The following RAPGEF2 variants were observed in gnomAD, a reference collection of about 807,000 sequenced individuals.
The protein encoded by RAPGEF2 is PDZ domain containing guanine nucleotide exchange factor (GEF) 1.
Under a neutral mutation model 186.7 loss-of-function variants are expected in RAPGEF2, and 54 were observed. The observed-to-expected ratio is 0.29, with a 90% CI of 0.23 to 0.36. The LOEUF is 0.36. Among genes scored for constraint, RAPGEF2 ranks in the 10% least tolerant of loss-of-function variants. RAPGEF2 has a pLI of 1.00. For synonymous variants in RAPGEF2, 712 were observed against 705.9 expected, an observed-to-expected ratio of 1.01 and a Z score of -0.14; for missense variants, 1,532 against 2,045.0, an observed-to-expected ratio of 0.75 and a Z score of 4.84.
rs1737515977 is a variant in RAPGEF2, at chr4:159,104,212, C to A, written c.50C>A (p.Pro17His). Reference sequence around the variant, plus strand: ...TTCCGCCAGGCGGTGATGAAGAATCCCCCCGAAAGGACCCCCCAGGTGAGA... The same window carrying A: ...TTCCGCCAGGCGGTGATGAAGAATCACCCCGAAAGGACCCCCCAGGTGAGA... ...NSFRQAVMKN[P>H]PERTPQDLEI... The change falls in exon 1 of 30, where the codon CCC becomes CAC. Residue 17 changes from proline to histidine, a missense_variant. Physicochemically the swap from Pro to His is moderately conservative, Grantham distance 77. Coordinates refer to ENST00000691494, the MANE Select transcript of RAPGEF2 (RefSeq NM_001394067.2). 3.2e-6 allele frequency: 4 copies of A among 1,231,910 alleles called. No homozygotes were observed. Among genetic ancestry groups the A allele is most frequent in the Admixed American group, 2.6e-5 (1 of 38,170 alleles). 76.3% of individuals were successfully genotyped at this position (1,231,910 alleles called of 1,614,324 possible).
intron 2 of RAPGEF2, among the ~76,000 whole-genome samples, chr4:159,187,438 C>G (rs1747674270): frequency 6.6e-6 from 1 of 151,900 alleles, no homozygotes; most frequent in Non-Finnish European, 1.5e-5. Flanking sequence ...CAAATAAAAA[C>G]CTACTACTTA....
chr4:159,332,897 T>TA (rs1766886911), intron 17 of RAPGEF2, 200 bp downstream of exon 17: 1 of 448,338 alleles, frequency 2.2e-6, no homozygotes, highest in Non-Finnish European at 3.8e-6. Context: ...CAATCTTCTT[T>TA]AAAGATAGTT....
intron 1 of RAPGEF2, among the ~76,000 whole-genome samples, chr4:159,108,332 C>G (rs1422128326): frequency 6.7e-6 from 1 of 150,196 alleles, no homozygotes; most frequent in Non-Finnish European, 1.5e-5. Flanking sequence ...TGCAGATACT[C>G]GTTTAATGCA....
intron 4 of RAPGEF2, among the ~76,000 whole-genome samples, chr4:159,238,253 C>T (rs1187489203): frequency 6.6e-6 from 1 of 152,138 alleles, no homozygotes; most frequent in African/African-American, 2.4e-5. Flanking sequence ...TTTAGTAGTA[C>T]ATCAACTGAA....
At chr4:159,305,998 T>C (rs1379422390) in intron 8 of RAPGEF2, among the ~76,000 whole-genome samples, 1 of 152,178 alleles carries the variant, frequency 6.6e-6, no homozygotes, top group Non-Finnish European at 1.5e-5. Context: ...GGGTTCTTTA[T>C]TTTGTTCCAT....
chr4:159,310,951 C>A (rs1175335086), intron 8 of RAPGEF2, among the ~76,000 whole-genome samples: 5 of 151,892 alleles, frequency 3.3e-5, no homozygotes, highest in African/African-American at 9.7e-5. Flanking sequence ...TATGACTTAG[C>A]AAAGTGGAAA....
intron 4 of RAPGEF2, among the ~76,000 whole-genome samples, chr4:159,211,489 G>A (rs1278737527): frequency 6.6e-6 from 1 of 152,134 alleles, no homozygotes; most frequent in African/African-American, 2.4e-5. Context: ...CTGTCACTTA[G>A]CTCTTCTATA....
At chr4:159,217,831 C>T (rs1175145112) in intron 4 of RAPGEF2, among the ~76,000 whole-genome samples, 7 of 152,106 alleles carry the variant, frequency 4.6e-5, no homozygotes. Flanking sequence ...TGTTTTTTGA[C>T]GTTTTAATAT....
chr4:159,237,320 C>T (rs1753387668), intron 4 of RAPGEF2, among the ~76,000 whole-genome samples: 1 of 151,868 alleles, frequency 6.6e-6, no homozygotes, highest in Non-Finnish European at 1.5e-5. Context: ...CGCGCGTGGC[C>T]GGAAATGATT....
At chr4:159,163,151 G>A (rs150817685) in intron 1 of RAPGEF2, among the ~76,000 whole-genome samples, 10 of 152,234 alleles carry the variant, frequency 6.6e-5, no homozygotes, top group Non-Finnish European at 1.3e-4. Context: ...CAAAAGATGG[G>A]CATGCTTGAA....
intron 26 of RAPGEF2, 143 bp downstream of exon 26, chr4:159,350,432 T>C (rs917749773): frequency 1.9e-5 from 12 of 621,966 alleles, no homozygotes; most frequent in African/African-American, 1.1e-4. Context: ...GGATTTTTTT[T>C]CCCTCAGTTT....
At chr4:159,174,147 G>A (rs1025512316) in intron 1 of RAPGEF2, among the ~76,000 whole-genome samples, 1 of 152,134 alleles carries the variant, frequency 6.6e-6, no homozygotes, top group Non-Finnish European at 1.5e-5. Flanking sequence ...ATGAAAAATC[G>A]TAACTTAACA....
chr4:159,145,640 G>A (rs964329554), intron 1 of RAPGEF2, among the ~76,000 whole-genome samples: 6 of 152,246 alleles, frequency 3.9e-5, no homozygotes, highest in Middle Eastern at 3.4e-3. Context: ...CAGGACCAGT[G>A]GCATGTCAAG....
chr4:159,228,974 C>T lies in RAPGEF2; in HGVS notation c.282-9835C>T, dbSNP rs1231130624. On this transcript the variant is annotated intron_variant, in intron 4 of 29. Transcript: ENST00000691494. ...TTTCCTCCCTAATTTAATTGCCACTCTGCTGTCTGAAGACAATGTTATGTG... is the reference window on the plus strand; with the variant it reads ...TTTCCTCCCTAATTTAATTGCCACTTTGCTGTCTGAAGACAATGTTATGTG... 2.6e-5 allele frequency among the ~76,000 whole-genome samples: 4 copies of T among 152,298 alleles called. No homozygotes were observed. In the East Asian group the frequency reaches 7.7e-4, roughly 29 times the overall value.
At chr4:159,206,310 A>G (rs1459724744) in intron 3 of RAPGEF2, among the ~76,000 whole-genome samples, 1 of 152,206 alleles carries the variant, frequency 6.6e-6, no homozygotes, top group African/African-American at 2.4e-5. Flanking sequence ...TTCTATTGAA[A>G]ATGAAAAGCA....
At chr4:159,279,978 C>T (rs1275846453) in intron 7 of RAPGEF2, among the ~76,000 whole-genome samples, 1 of 152,152 alleles carries the variant, frequency 6.6e-6, no homozygotes, top group Non-Finnish European at 1.5e-5. Context: ...AGCCACTGTG[C>T]CCGGCCTATA....
intron 4 of RAPGEF2, among the ~76,000 whole-genome samples, chr4:159,219,556 C>A (rs554268177): frequency 6.6e-6 from 1 of 151,942 alleles, no homozygotes; most frequent in Non-Finnish European, 1.5e-5. Flanking sequence ...GGGGTTTCAC[C>A]GTGTTAGCCA....
intron 4 of RAPGEF2, among the ~76,000 whole-genome samples, chr4:159,223,818 C>T (rs1027686498): frequency 6.6e-6 from 1 of 152,102 alleles, no homozygotes; most frequent in African/African-American, 2.4e-5. Flanking sequence ...TGAATTTTAA[C>T]TTACATAATT....
intron 1 of RAPGEF2, among the ~76,000 whole-genome samples, chr4:159,126,016 A>C (rs1318676691): frequency 6.6e-6 from 1 of 152,222 alleles, no homozygotes; most frequent in Non-Finnish European, 1.5e-5. Flanking sequence ...TGTGTCTGCT[A>C]TCAGAACTCA....
Sources: gnomAD v4.1 joint callset for allele counts (sites outside exome capture counted in the v4.1 genomes callset) on GRCh38, gnomAD v4.1.1 for gene constraint, MANE v1.5 for transcripts, NCBI Gene and HGNC (gene_info 2026-07-23, HGNC 2026-07-21) for gene names.